The following HHAT variants were observed in gnomAD, a reference collection of about 807,000 sequenced individuals.
HHAT encodes hedgehog acyltransferase.
HHAT carries 47 observed loss-of-function variants against 70.8 expected under a neutral mutation model. The observed-to-expected ratio is 0.66, with a 90% CI of 0.53 to 0.85. The LOEUF (loss-of-function observed/expected upper bound fraction) is 0.85. HHAT is among the 40% of genes least tolerant of loss of function. HHAT has a pLI of 0.00. For missense variants in HHAT, 609 were observed against 604.8 expected (o/e 1.01, Z -0.07); for synonymous variants, 228 against 247.6 (o/e 0.92, Z 0.74).
At chr1:210,529,318 G>GA (rs10584556) in intron 9 of HHAT, among the ~76,000 whole-genome samples, 342 of 118,666 alleles carry the variant, frequency 2.9e-3, no homozygotes, top group East Asian at 0.02. Flanking sequence ...AAAAACAAAG[G>GA]AAAAAAAAAA....
intron 10 of HHAT, among the ~76,000 whole-genome samples, chr1:210,594,754 G>C (rs958213789): frequency 6.6e-6 from 1 of 152,166 alleles, no homozygotes; most frequent in Non-Finnish European, 1.5e-5. Context: ...TCCTCAGCTT[G>C]TTTGTCTGGG....
At chr1:210,460,154 T>G (rs2093950357) in intron 7 of HHAT, among the ~76,000 whole-genome samples, 1 of 152,198 alleles carries the variant, frequency 6.6e-6, no homozygotes, top group Non-Finnish European at 1.5e-5. Context: ...GCCAGGCCAA[T>G]GGCAGACCAC....
chr1:210,456,556 T>C (rs2093873360), intron 7 of HHAT, among the ~76,000 whole-genome samples: 2 of 152,220 alleles, frequency 1.3e-5, no homozygotes, highest in South Asian at 4.1e-4. Context: ...GATTTTGTGA[T>C]ATAGACCGTG....
At chr1:210,618,000 C>T (rs1668082548) in intron 10 of HHAT, among the ~76,000 whole-genome samples, 2 of 152,172 alleles carry the variant, frequency 1.3e-5, no homozygotes, top group South Asian at 2.1e-4. Flanking sequence ...TCATTGAGCA[C>T]ACATAGGATA....
rs1039556946 is a variant in HHAT, at chr1:210,480,371, G to A, written c.1007+15716G>A. ...TGAATATTTGCAATCAGACCTCGGC[G>A]ATGACATTGAGCAGTAGGATATAAG... is the stretch of plus-strand genomic sequence containing the variant. On this transcript the variant is annotated intron_variant, in intron 8 of 11. Coordinates refer to ENST00000261458, the MANE Select transcript of HHAT (RefSeq NM_018194.6). 1.2e-4 allele frequency among the ~76,000 whole-genome samples: 19 copies of A among 152,264 alleles called. 1 individual carries two copies. Among genetic ancestry groups the A allele is most frequent in the East Asian group, 7.7e-4 (4 of 5,170 alleles).
intron 6 of HHAT, among the ~76,000 whole-genome samples, chr1:210,406,457 A>T (rs151304228): frequency 0.11 from 16,833 of 150,814 alleles, 1,179 homozygotes; most frequent in East Asian, 0.2. Flanking sequence ...GCAGTGGTGT[A>T]ATCTCAGCTT....
chr1:210,444,943 G>A (rs1426872094), intron 7 of HHAT, among the ~76,000 whole-genome samples: 3 of 152,156 alleles, frequency 2.0e-5, no homozygotes, highest in Non-Finnish European at 2.9e-5. Flanking sequence ...GGGTTCAAGC[G>A]ATTCTCCTGC....
At chr1:210,352,184 C>T (rs1241949703) in intron 2 of HHAT, among the ~76,000 whole-genome samples, 1 of 152,178 alleles carries the variant, frequency 6.6e-6, no homozygotes, top group Non-Finnish European at 1.5e-5. Context: ...TGCACCTTAA[C>T]CTGTCCAGAT....
chr1:210,404,097 G>C (rs1256863126), intron 5 of HHAT, among the ~76,000 whole-genome samples: 66 of 152,314 alleles, frequency 4.3e-4, no homozygotes, highest in Middle Eastern at 3.4e-3. Context: ...AATTGTTGAA[G>C]AAGCTGTCAA....
At chr1:210,652,305 T>G (rs1344766622) in intron 11 of HHAT, among the ~76,000 whole-genome samples, 15 of 152,164 alleles carry the variant, frequency 9.9e-5, no homozygotes, top group Admixed American at 8.5e-4. Context: ...AAAATAGAAG[T>G]AGCATACAGC....
At chr1:210,391,796 T>C (rs1259029112) in intron 4 of HHAT, among the ~76,000 whole-genome samples, 3 of 152,180 alleles carry the variant, frequency 2.0e-5, no homozygotes, top group African/African-American at 7.2e-5. Flanking sequence ...TATGTATTTG[T>C]ATAACTACTT....
At chr1:210,348,877 A>G in intron 1 of HHAT, 56 bp from the exon 2 acceptor site, 1 of 1,513,076 alleles carries the variant, frequency 6.6e-7, no homozygotes, top group Non-Finnish European at 8.9e-7. Context: ...ATTGATGTTT[A>G]GATGCTGTTC....
At chr1:210,390,274 G>C (rs1232182575) in intron 4 of HHAT, among the ~76,000 whole-genome samples, 1 of 152,082 alleles carries the variant, frequency 6.6e-6, no homozygotes, top group South Asian at 2.1e-4. Context: ...AAAGTAAAAG[G>C]TATGAAAAGA....
chr1:210,411,056 G>A (rs1460802533), intron 6 of HHAT, among the ~76,000 whole-genome samples: 1 of 152,140 alleles, frequency 6.6e-6, no homozygotes, highest in African/African-American at 2.4e-5. Context: ...ACAGATATTT[G>A]TGTCATTTTA....
At chr1:210,570,563 C>T (rs1022737418) in intron 9 of HHAT, among the ~76,000 whole-genome samples, 5 of 152,216 alleles carry the variant, frequency 3.3e-5, no homozygotes, top group Admixed American at 1.3e-4. Context: ...AGGAAGACAG[C>T]GAGCCACAGA....
intron 3 of HHAT, among the ~76,000 whole-genome samples, chr1:210,379,414 A>G (rs2090466048): frequency 6.6e-6 from 1 of 152,244 alleles, no homozygotes; most frequent in South Asian, 2.1e-4. Flanking sequence ...AGAGAGGAGT[A>G]AATAGTCATG....
chr1:210,562,627 T>A (rs902505619), intron 9 of HHAT, among the ~76,000 whole-genome samples: 1 of 152,110 alleles, frequency 6.6e-6, no homozygotes, highest in African/African-American at 2.4e-5. Context: ...TTAAGCTTTA[T>A]GATATTCCTG....
chr1:210,516,202 A>G (rs2095054369), intron 9 of HHAT, among the ~76,000 whole-genome samples: 1 of 152,204 alleles, frequency 6.6e-6, no homozygotes, highest in South Asian at 2.1e-4. Flanking sequence ...CCCTGAGGCT[A>G]GGTTGAAGAC....
chr1:210,340,636 T>C (rs1217601149), intron 1 of HHAT, among the ~76,000 whole-genome samples: 1 of 152,244 alleles, frequency 6.6e-6, no homozygotes, highest in Non-Finnish European at 1.5e-5. Context: ...GTTTGCCTTT[T>C]TCAGTAAATC....
Sources: allele counts gnomAD v4.1 joint callset (sites outside exome capture counted in the v4.1 genomes callset), GRCh38; gene constraint gnomAD v4.1.1; transcripts MANE v1.5; gene names NCBI Gene and HGNC (gene_info 2026-07-23, HGNC 2026-07-21).